Variants in TIAL1 observed in about 807,000 individuals in gnomAD.
The protein encoded by TIAL1 is nucleolysin TIAR.
In TIAL1, 7 loss-of-function variants were observed where a neutral mutation model predicts 59.7. That is an observed-to-expected ratio of 0.12 (90% confidence interval 0.07 to 0.22). TIAL1 has a LOEUF of 0.22. TIAL1 is among the 10% of genes least tolerant of loss of function. The pLI is 1.00. For synonymous variants in TIAL1, 149 were observed against 146.3 expected (o/e 1.02, Z -0.13); for missense variants, 225 against 462.5 (o/e 0.49, Z 4.71).
intron 1 of TIAL1, among the ~76,000 whole-genome samples, chr10:119,590,447 C>T (rs577661239): frequency 7.9e-5 from 12 of 152,274 alleles, no homozygotes; most frequent in African/African-American, 2.4e-4. Flanking sequence ...CATGGTGGCT[C>T]ACGCCTGTAA....
intron 1 of TIAL1, among the ~76,000 whole-genome samples, chr10:119,588,901 A>G (rs1366787416): frequency 6.6e-6 from 1 of 152,234 alleles, no homozygotes; most frequent in Admixed American, 6.5e-5. Flanking sequence ...CAAGATAACT[A>G]CAATTTCTAA....
rs1369094603 is a variant in TIAL1, at chr10:119,582,554, T to C, written c.133A>G (p.Thr45Ala). ...CKSCKMITEH[T>A]SNDPYCFVEF... ...ACAAAGCAATATGGGTCATTGCTTG[T>C]ATGCTGCAAAACAGAAAATCCAACA... Residue 45 changes from threonine (T) to alanine (A), a missense_variant, in exon 3 of 12, where the codon ACA becomes GCA. By Grantham distance (58) the Thr-to-Ala change is moderately conservative (BLOSUM62 0). This residue lies in a region of TIAL1 where 39 missense variants were observed against 59.5 expected (regional missense o/e 0.66). Coordinates refer to ENST00000436547, the MANE Select transcript of TIAL1 (RefSeq NM_003252.4). The surrounding 1 kb of genome is among the most constrained non-coding windows in gnomAD (Gnocchi z 5.1). 5 of 1,612,156 alleles carry C rather than the reference T, an allele frequency of 3.1e-6. No individual in the cohort carries two copies. Among genetic ancestry groups the C allele is most frequent in the Admixed American group, 1.7e-5 (1 of 59,498 alleles).
Position 119,582,598 on chromosome 10 carries a change from C to T in TIAL1, c.130-41G>A, listed in dbSNP as rs1238239796. 6.3e-7 allele frequency: 1 copy of T among 1,599,656 alleles called. No individual in the cohort carries two copies. The highest frequency in any genetic ancestry group is 2.3e-5 in the East Asian group (1 of 44,250). ...TCCAACAGAAGAGTTGACCCTTCTG[C>T]TATCGGGTTGCTGAGAAGAAAATCC... On this transcript the variant is annotated intron_variant, in intron 2 of 11. Transcript: ENST00000436547. This position sits in a 1 kb window ranked among gnomAD's most constrained non-coding sequence, Gnocchi z 5.1.
chr10:119,576,234 G>T (rs892531651), intron 11 of TIAL1, among the ~76,000 whole-genome samples: 36 of 144,308 alleles, frequency 2.5e-4, no homozygotes, highest in African/African-American at 8.4e-4. Context: ...CAGTTACTTT[G>T]TATCACACAA....
Position 119,575,700 on chromosome 10 carries a change from C to G in TIAL1, c.1093G>C (p.Ala365Pro). 6.2e-7 allele frequency: 1 copy of G among 1,612,554 alleles called. No individual in the cohort carries two copies. The highest frequency in any genetic ancestry group is 8.5e-7 in the Non-Finnish European group (1 of 1,179,388). The change falls in exon 12 of 12, where the codon GCC (alanine) becomes CCC (proline). Residue 365 changes from alanine to proline, a missense_variant. By Grantham distance (27) the Ala-to-Pro change is conservative (BLOSUM62 -1). Around this residue, in one of 4 missense-constraint regions of TIAL1, gnomAD observed 68 missense variants for 71.3 expected, o/e 0.95. Transcript: ENST00000436547. The part of the protein sequence containing the change: ...PPPVIPPPNQ[A>P]GYGMASYQTQ ...TGGTAACTTGCCATACCATATCCGG[C>G]TTGGTTAGGAGGAGGTATTACAGGG...
At position 119,582,086 on chromosome 10, in the gene TIAL1, G is replaced by A; in HGVS notation, c.284-77C>T. 3 of 1,566,434 alleles carry A rather than the reference G, an allele frequency of 1.9e-6. No individual in the cohort carries two copies. Among genetic ancestry groups the A allele is most frequent in the Admixed American group, 1.8e-5 (1 of 54,476 alleles). ...CCTTTTTAAGGCAACTCTAGAGGAG[G>A]AAAAAAAAACCTATTTAAGCTGGTA... On this transcript the variant is annotated intron_variant, in intron 4 of 11. Transcript: ENST00000436547. The surrounding 1 kb of genome is among the most constrained non-coding windows in gnomAD (Gnocchi z 5.1).
At chr10:119,595,881 C>T (rs764800990) in intron 1 of TIAL1, among the ~76,000 whole-genome samples, 34 of 152,246 alleles carry the variant, frequency 2.2e-4, no homozygotes, top group Non-Finnish European at 4.7e-4. Flanking sequence ...GGCGGGGGCA[C>T]GTGGGGCATA....
chr10:119,577,002 C>A, intron 10 of TIAL1, 78 bp downstream of exon 10: 1 of 1,542,046 alleles, frequency 6.5e-7, no homozygotes, highest in South Asian at 1.2e-5. Context: ...TTTTATTGTT[C>A]ATTTTACAGA....
At position 119,596,559 on chromosome 10, in the gene TIAL1, G is replaced by T. The variant is rs1424854944; in HGVS notation, c.-94C>A. 2.1e-6 allele frequency: 2 copies of T among 968,600 alleles called. No individual in the cohort carries two copies. Among genetic ancestry groups the T allele is most frequent in the East Asian group, 5.3e-5 (2 of 37,486 alleles). The allele number at this position is 968,600 out of a possible 1,614,324, so 60.0% of individuals were successfully genotyped here. The stretch of plus-strand genomic sequence containing the variant: ...GAAGGGGAGGGGGGCTCTGGGCACC[G>T]GCTGGGGACAGAGGAAAAGGCACCG... On this transcript the variant is annotated 5_prime_UTR_variant, in exon 1 of 12. Transcript: ENST00000436547.
rs1846222416 is a variant in TIAL1 at position 119,596,707 on chromosome 10, C to A, written c.-242G>T. 2 of 573,050 alleles carry A rather than the reference C, an allele frequency of 3.5e-6. No homozygotes were observed. The highest frequency in any genetic ancestry group is 6.2e-5 in the Admixed American group (2 of 32,166). The allele number at this position is 573,050 out of a possible 1,614,324, so 35.5% of individuals were successfully genotyped here. A position where few individuals can be genotyped will look rare whatever the true frequency, so the allele number is the denominator to read the frequency against. On this transcript the variant is annotated 5_prime_UTR_variant, in exon 1 of 12. Transcript: ENST00000436547. ...GCCACCAGCCAGGCAGGAAACAGGG[C>A]AGAGCGCAGGCGCGACCCGCCAGGT...
At chr10:119,581,813 C>A in intron 5 of TIAL1, 109 bp downstream of exon 5, 3 of 839,044 alleles carry the variant, frequency 3.6e-6, no homozygotes, top group Non-Finnish European at 5.4e-6. Flanking sequence ...AAATAAGAAA[C>A]AAAACAAAAC....
rs182860907 is a variant in TIAL1, at chr10:119,582,963, A to G, written c.130-406T>C. ...TTCTACTTATGCATCATAATCCTCT[A>G]TAAGTGGTATCCCAGGATACAGAAA... On this transcript the variant is annotated intron_variant, in intron 2 of 11. Coordinates refer to ENST00000436547, the MANE Select transcript of TIAL1 (RefSeq NM_003252.4). The surrounding 1 kb of genome is among the most constrained non-coding windows in gnomAD (Gnocchi z 5.1). 1.0e-3 allele frequency among the ~76,000 whole-genome samples: 154 copies of G among 152,268 alleles called. No homozygotes were observed. In the Middle Eastern group the frequency reaches 0.01, roughly 10 times the overall value.
At chr10:119,580,208 A>G (rs1845236921) in intron 5 of TIAL1, 198 bp from the exon 6 acceptor site, 1 of 486,800 alleles carries the variant, frequency 2.1e-6, no homozygotes, top group African/African-American at 2.0e-5. Context: ...AACATGTAAT[A>G]AACATGCAAC....
At chr10:119,587,905 T>C (rs902381174) in intron 2 of TIAL1, among the ~76,000 whole-genome samples, 5 of 152,230 alleles carry the variant, frequency 3.3e-5, no homozygotes, top group Admixed American at 3.3e-4. Flanking sequence ...AATAATGTTC[T>C]GAAAGCAGAA....
Position 119,582,632 on chromosome 10 carries a change from A to G in TIAL1, c.130-75T>C. ...TGCTGAGAAGAAAATCCAGGAAAAA[A>G]CATTACTGATAGCTGGGAATATACA... On this transcript the variant is annotated intron_variant, in intron 2 of 11. Transcript: ENST00000436547. This position sits in a 1 kb window ranked among gnomAD's most constrained non-coding sequence, Gnocchi z 5.1. 6.3e-7 allele frequency: 1 copy of G among 1,583,320 alleles called. No homozygotes were observed.
intron 2 of TIAL1, 90 bp downstream of exon 2, chr10:119,588,062 G>C (rs1287195209): frequency 4.3e-6 from 3 of 704,444 alleles, no homozygotes; most frequent in Admixed American, 7.1e-5. Context: ...CTCTCCACCA[G>C]AATAACTTGA....
intron 10 of TIAL1, 115 bp from the exon 11 acceptor site, chr10:119,576,865 C>T: frequency 7.0e-7 from 1 of 1,427,698 alleles, no homozygotes; most frequent in Non-Finnish European, 9.5e-7. Flanking sequence ...GAATAGGACT[C>T]TGTTATTTAT....
chr10:119,579,839 A>G, intron 6 of TIAL1, 96 bp downstream of exon 6: 2 of 894,012 alleles, frequency 2.2e-6, no homozygotes, highest in Non-Finnish European at 3.3e-6. Context: ...GTTTGTAGTT[A>G]ACATTCAAGT....
At chr10:119,580,061 TA>T (rs1845230917) in intron 5 of TIAL1, 51 bp from the exon 6 acceptor site, 1 of 1,461,376 alleles carries the variant, frequency 6.8e-7, no homozygotes, top group Non-Finnish European at 9.4e-7. Flanking sequence ...ACCCTCAAAA[TA>T]AAAACTAAAA....
Sources: gnomAD v4.1 joint callset for allele counts (sites outside exome capture counted in the v4.1 genomes callset) on GRCh38, gnomAD v4.1.1 for gene constraint, gnomAD v4.1.1 regional missense constraint, Gnocchi (gnomAD v3.1) non-coding constraint, MANE v1.5 for transcripts, NCBI Gene and HGNC (gene_info 2026-07-23, HGNC 2026-07-21) for gene names.